The following PDE12 variants were observed in gnomAD, a reference collection of about 807,000 sequenced individuals.
The protein encoded by PDE12 is 2',5'-phosphodiesterase 12.
Under a neutral mutation model 45.4 loss-of-function variants are expected in PDE12, and 26 were observed. That is an observed-to-expected ratio of 0.57 (90% CI 0.42 to 0.79). The LOEUF (loss-of-function observed/expected upper bound fraction) is 0.79. Among genes scored for constraint, PDE12 ranks in the 30% least tolerant of loss-of-function variants. PDE12 has a pLI of 0.00. For synonymous variants in PDE12, 283 were observed against 323.9 expected, an observed-to-expected ratio of 0.87 and a Z score of 1.36; for missense variants, 668 against 790.0, an observed-to-expected ratio of 0.85 and a Z score of 1.85.
At chr3:57,628,525 A>G in the PDE12 span, among the ~76,000 whole-genome samples, 3 of 152,352 alleles carry the variant, frequency 2.0e-5, no homozygotes, top group Non-Finnish European at 2.9e-5. Context: ...ATTGAGCTCA[A>G]TAAAAGGCTT....
At chr3:57,614,544 G>GTTTTTTTTTTTTTTTTTTTTTT in the PDE12 span, among the ~76,000 whole-genome samples, 1 of 121,316 alleles carries the variant, frequency 8.2e-6, no homozygotes, top group Non-Finnish European at 1.6e-5. Flanking sequence ...TTTGTTTTTT[G>GTTTTTTTTTTTTTTTTTTTTTT]TTTTTTTTTT....
At chr3:57,574,010 C>T in the PDE12 span, among the ~76,000 whole-genome samples, 2 of 152,094 alleles carry the variant, frequency 1.3e-5, no homozygotes, top group African/African-American at 4.8e-5. Context: ...GGCGTGATCT[C>T]GGCTCACTGC....
the PDE12 span, among the ~76,000 whole-genome samples, chr3:57,610,924 C>G: frequency 3.3e-5 from 5 of 152,236 alleles, no homozygotes; most frequent in African/African-American, 7.2e-5. Context: ...GCCCGCATTG[C>G]CAAGACAATC....
chr3:57,581,598 C>T, the PDE12 span, among the ~76,000 whole-genome samples: 2 of 152,114 alleles, frequency 1.3e-5, no homozygotes, highest in South Asian at 2.1e-4. Flanking sequence ...GTCAGGAGAT[C>T]GAGACCAGCC....
chr3:57,635,573 G>C, the PDE12 span, among the ~76,000 whole-genome samples: 4 of 152,082 alleles, frequency 2.6e-5, no homozygotes, highest in Admixed American at 6.6e-5. Context: ...TATTATTATA[G>C]AGATTATAAT....
the PDE12 span, among the ~76,000 whole-genome samples, chr3:57,640,047 G>A: frequency 1.3e-5 from 2 of 150,952 alleles, no homozygotes; most frequent in African/African-American, 4.9e-5. Flanking sequence ...CGAGGTGGGC[G>A]GTCTGGAGGT....
At chr3:57,632,865 A>G in the PDE12 span, among the ~76,000 whole-genome samples, 1 of 152,256 alleles carries the variant, frequency 6.6e-6, no homozygotes, top group African/African-American at 2.4e-5. Context: ...CTACAGCCTC[A>G]TAGACATTAT....
chr3:57,556,929 A>C lies in PDE12; in HGVS notation c.550A>C (p.Ser184Arg), dbSNP rs1462244791. 1 of 1,614,140 alleles carries C rather than the reference A, an allele frequency of 6.2e-7. No homozygotes were observed. ...MAGFPVCPKLSLEFGDPASSL... is the reference protein window; with the variant it reads ...MAGFPVCPKLRLEFGDPASSL... ...CGGGTTCCCTGTGTGCCCCAAACTCAGCCTCGAATTTGGGGATCCCGCCAG... is the reference window on the plus strand; with the variant it reads ...CGGGTTCCCTGTGTGCCCCAAACTCCGCCTCGAATTTGGGGATCCCGCCAG... Residue 184 changes from serine (S) to arginine (R), a missense_variant, in exon 1 of 3, where the codon AGC becomes CGC. Physicochemically the swap from Ser to Arg is moderately radical, Grantham distance 110. Coordinates refer to ENST00000311180, the MANE Select transcript of PDE12 (RefSeq NM_177966.7). The surrounding 1 kb of genome is among the most constrained non-coding windows in gnomAD (Gnocchi z 5.0).
At chr3:57,636,927 ACT>A in the PDE12 span, among the ~76,000 whole-genome samples, 2 of 139,514 alleles carry the variant, frequency 1.4e-5, no homozygotes, top group African/African-American at 5.5e-5. Context: ...ACAGAGCGAG[ACT>A]CTGTCTCAAA....
chr3:57,630,814 T>C, the PDE12 span: 1 of 1,613,778 alleles, frequency 6.2e-7, no homozygotes, highest in Non-Finnish European at 8.5e-7. Flanking sequence ...CTGTCTTAAT[T>C]GAGGTGGACT....
chr3:57,633,255 A>G, the PDE12 span: 3 of 1,603,652 alleles, frequency 1.9e-6, no homozygotes, highest in South Asian at 2.2e-5. Context: ...AAATTTATTT[A>G]TTAACTTACT....
chr3:57,569,144 A>G (rs2069812061), downstream of PDE12, among the ~76,000 whole-genome samples: 1 of 152,216 alleles, frequency 6.6e-6, no homozygotes, highest in South Asian at 2.1e-4. Context: ...AGCATCAACT[A>G]TTTCATAATA....
chr3:57,626,703 C>CCG, the PDE12 span: 1 of 151,502 alleles, frequency 6.6e-6, no homozygotes, highest in Non-Finnish European at 1.5e-5. Context: ...GAGCAAAACT[C>CCG]CATCTCAAAA....
chr3:57,627,389 C>T, the PDE12 span: 3 of 152,196 alleles, frequency 2.0e-5, no homozygotes, highest in African/African-American at 7.2e-5. Flanking sequence ...AGTGACCTGT[C>T]CACCTTGGCC....
the PDE12 span, among the ~76,000 whole-genome samples, chr3:57,587,003 C>A: frequency 6.6e-6 from 1 of 152,004 alleles, no homozygotes; most frequent in Non-Finnish European, 1.5e-5. Context: ...GGAGGTCCAA[C>A]TGGACCTCAG....
the PDE12 span, among the ~76,000 whole-genome samples, chr3:57,602,724 C>A: frequency 1.3e-5 from 2 of 152,110 alleles, no homozygotes; most frequent in African/African-American, 4.8e-5. Flanking sequence ...GCGTGCGCCA[C>A]TACGCCTGGC....
the PDE12 span, among the ~76,000 whole-genome samples, chr3:57,621,258 T>C: frequency 6.6e-6 from 1 of 152,230 alleles, no homozygotes; most frequent in Non-Finnish European, 1.5e-5. Context: ...CAAATGGTGC[T>C]GGGACAATTG....
chr3:57,594,271 A>AT, the PDE12 span, among the ~76,000 whole-genome samples: 2 of 152,136 alleles, frequency 1.3e-5, no homozygotes, highest in Non-Finnish European at 2.9e-5. Flanking sequence ...CTTTATTTTT[A>AT]TTTTTTTCAA....
chr3:57,556,904 C>T lies in PDE12; in HGVS notation c.525C>T (p.Ala175=), dbSNP rs774075536. 1.9e-6 allele frequency: 3 copies of T among 1,614,170 alleles called. No homozygotes were observed. The highest frequency in any genetic ancestry group is 2.5e-6 in the Non-Finnish European group (3 of 1,180,046). ...TGCAGTTGCCGCGCTACATCATGGC[C>T]GGGTTCCCTGTGTGCCCCAAACTCA... The part of the protein sequence containing the change: ...TELQLPRYIM[A]GFPVCPKLSL... The change falls in exon 1 of 3, where the codon GCC becomes GCT. Residue 175 remains alanine, a synonymous_variant. Transcript: ENST00000311180. The surrounding 1 kb of genome is among the most constrained non-coding windows in gnomAD (Gnocchi z 5.0).
Sources: allele counts gnomAD v4.1 joint callset (sites outside exome capture counted in the v4.1 genomes callset), GRCh38; gene constraint gnomAD v4.1.1; non-coding constraint Gnocchi (gnomAD v3.1); transcripts MANE v1.5; gene names NCBI Gene and HGNC (gene_info 2026-07-23, HGNC 2026-07-21).